Variants in PPP2R2B observed in about 807,000 individuals in gnomAD.
PPP2R2B encodes the protein serine/threonine-protein phosphatase 2A 55 kDa regulatory subunit B beta isoform.
In PPP2R2B, 5 loss-of-function variants were observed where a neutral mutation model predicts 46.0. That is an observed-to-expected ratio of 0.11 (90% CI 0.06 to 0.23). The LOEUF (loss-of-function observed/expected upper bound fraction) is 0.23. PPP2R2B is among the 10% of genes least tolerant of loss of function. The probability of loss-of-function intolerance (pLI) is 1.00; values close to 1 mark genes in which losing one functional copy is unlikely to be tolerated. For missense variants in PPP2R2B, 367 were observed against 575.0 expected (o/e 0.64, Z 3.70); for synonymous variants, 215 against 206.7 (o/e 1.04, Z -0.34).
At chr5:146,918,799 T>C (rs1329644296) in intron 1 of PPP2R2B, among the ~76,000 whole-genome samples, 1 of 152,040 alleles carries the variant, frequency 6.6e-6, no homozygotes, top group South Asian at 2.1e-4. Flanking sequence ...GACCTTACTA[T>C]TTTTTTTCCT....
intron 1 of PPP2R2B, among the ~76,000 whole-genome samples, chr5:147,041,245 G>A (rs890280045): frequency 6.6e-6 from 1 of 152,140 alleles, no homozygotes; most frequent in African/African-American, 2.4e-5. Context: ...GACTCGATGA[G>A]GACTGCCAAG....
intron 1 of PPP2R2B, among the ~76,000 whole-genome samples, chr5:146,921,924 A>G (rs1307823463): frequency 1.3e-5 from 2 of 152,176 alleles, no homozygotes; most frequent in African/African-American, 4.8e-5. Context: ...AATTTATTTA[A>G]CTTTTATTTC....
chr5:146,798,237 T>G (rs182750406), intron 2 of PPP2R2B, among the ~76,000 whole-genome samples: 73 of 152,254 alleles, frequency 4.8e-4, no homozygotes, highest in African/African-American at 1.6e-3. Flanking sequence ...GTTGCCTCAT[T>G]TTGTTTTTCA....
chr5:146,615,951 CA>C (rs1471549136), intron 7 of PPP2R2B, among the ~76,000 whole-genome samples: 1 of 152,106 alleles, frequency 6.6e-6, no homozygotes, highest in Admixed American at 6.5e-5. Context: ...AAGCAAAAAA[CA>C]AAACTGGAGG....
At chr5:146,640,453 G>A (rs952044771) in intron 6 of PPP2R2B, among the ~76,000 whole-genome samples, 5 of 152,214 alleles carry the variant, frequency 3.3e-5, no homozygotes, top group African/African-American at 9.6e-5. Context: ...CTGCAGCTCC[G>A]GTGCTCTCTC....
At chr5:146,593,851 T>C (rs1312446443) in intron 8 of PPP2R2B, among the ~76,000 whole-genome samples, 2 of 152,136 alleles carry the variant, frequency 1.3e-5, no homozygotes, top group Non-Finnish European at 2.9e-5. Context: ...ACAGAAAGGA[T>C]TGCTGAATCT....
intron 1 of PPP2R2B, among the ~76,000 whole-genome samples, chr5:147,028,701 A>G (rs903380776): frequency 6.6e-6 from 1 of 152,174 alleles, no homozygotes; most frequent in African/African-American, 2.4e-5. Context: ...ATATATACTT[A>G]GTAGAACAGT....
At chr5:146,725,609 G>T (rs1751818982) in intron 2 of PPP2R2B, among the ~76,000 whole-genome samples, 1 of 152,184 alleles carries the variant, frequency 6.6e-6, no homozygotes, top group African/African-American at 2.4e-5. Context: ...TCTCAGCACA[G>T]AAAATATATA....
At chr5:146,711,696 A>G (rs751126759) in intron 2 of PPP2R2B, among the ~76,000 whole-genome samples, 2 of 152,190 alleles carry the variant, frequency 1.3e-5, no homozygotes, top group African/African-American at 2.4e-5. Context: ...ATGAATGCCT[A>G]TTATGTGCAT....
At position 146,723,968 on chromosome 5, in the gene PPP2R2B, G is replaced by A. The variant is rs190352727; in HGVS notation, c.71-22826C>T. Among the ~76,000 whole-genome samples, 405 of 152,162 alleles carry A rather than the reference G, an allele frequency of 2.7e-3. 2 individuals are homozygous for A. Among genetic ancestry groups the A allele is most frequent in the Admixed American group, 8.3e-3 (127 of 15,276 alleles). On this transcript the variant is annotated intron_variant, in intron 2 of 9. Coordinates refer to ENST00000394411, the MANE Select transcript of PPP2R2B (RefSeq NM_181675.4). Reference sequence around the variant, plus strand: ...TCATTCATTCGTGCCAACATTTCCTGAGGACTGTAAGTTCCTTGAAGGCAG... The same window carrying A: ...TCATTCATTCGTGCCAACATTTCCTAAGGACTGTAAGTTCCTTGAAGGCAG...
intron 2 of PPP2R2B, among the ~76,000 whole-genome samples, chr5:146,851,337 G>A (rs1186233170): frequency 6.6e-6 from 1 of 152,112 alleles, no homozygotes; most frequent in African/African-American, 2.4e-5. Flanking sequence ...TAGAGCCTGG[G>A]ATACACACTA....
At chr5:146,855,955 C>A (rs573472619) in intron 2 of PPP2R2B, among the ~76,000 whole-genome samples, 1 of 152,240 alleles carries the variant, frequency 6.6e-6, no homozygotes, top group African/African-American at 2.4e-5. Context: ...GTTGTTTTTC[C>A]TACACAGTGA....
intron 1 of PPP2R2B, among the ~76,000 whole-genome samples, chr5:147,048,298 T>C (rs1756633521): frequency 6.6e-6 from 1 of 152,170 alleles, no homozygotes; most frequent in Non-Finnish European, 1.5e-5. Flanking sequence ...GCAGTATGGG[T>C]GCATACCCTG....
At chr5:146,933,457 T>G (rs1165093336) in intron 1 of PPP2R2B, among the ~76,000 whole-genome samples, 1 of 152,100 alleles carries the variant, frequency 6.6e-6, no homozygotes, top group African/African-American at 2.4e-5. Context: ...CTCTCTCAGA[T>G]AAGTATTTTG....
At chr5:146,736,450 G>A (rs1029041638) in intron 2 of PPP2R2B, among the ~76,000 whole-genome samples, 2 of 152,126 alleles carry the variant, frequency 1.3e-5, no homozygotes, top group Admixed American at 1.3e-4. Flanking sequence ...TTTTAAAAAT[G>A]AGTAAACTGA....
rs1371080478 is a variant in PPP2R2B at position 147,077,273 on chromosome 5, TATAC to T, written c.50+3782_50+3785del. On this transcript the variant is annotated intron_variant, in intron 2 of 10. Transcript: ENST00000394413. ...TACGTTATACATATATGTATGTGTG[TATAC>T]ACACACACACACACACACACACACA... Among the ~76,000 whole-genome samples the T allele has an allele frequency of 2.8e-3, 273 of 96,316 alleles. 2 individuals are homozygous for T. The highest frequency in any genetic ancestry group is 9.5e-3 in the African/African-American group (218 of 22,978). The allele number at this position is 96,316 out of a possible 152,430, so 63.2% of individuals were successfully genotyped here. A position where few individuals can be genotyped will look rare whatever the true frequency, so the allele number is the denominator to read the frequency against.
At chr5:146,860,783 T>C (rs1395216512) in intron 2 of PPP2R2B, among the ~76,000 whole-genome samples, 4 of 152,174 alleles carry the variant, frequency 2.6e-5, no homozygotes, top group African/African-American at 9.7e-5. Flanking sequence ...GAGTTTTCCA[T>C]CATTGCAATT....
At chr5:146,646,851 GTA>G (rs1561800887) in intron 6 of PPP2R2B, among the ~76,000 whole-genome samples, 1 of 152,122 alleles carries the variant, frequency 6.6e-6, no homozygotes, top group Non-Finnish European at 1.5e-5. Flanking sequence ...GTGTGCGTGC[GTA>G]TGTGTGTGTG....
chr5:146,987,577 G>T (rs11167955), intron 1 of PPP2R2B, among the ~76,000 whole-genome samples: 72,414 of 151,420 alleles, frequency 0.48, 18,769 homozygotes, highest in Middle Eastern at 0.6. Context: ...GCTTATTATA[G>T]CTATACATTT....
Sources: gnomAD v4.1 joint callset for allele counts (sites outside exome capture counted in the v4.1 genomes callset) on GRCh38, gnomAD v4.1.1 for gene constraint, MANE v1.5 for transcripts, NCBI Gene and HGNC (gene_info 2026-07-23, HGNC 2026-07-21) for gene names.